Variants in MUC5B observed in about 807,000 individuals in gnomAD.
MUC5B encodes mucin-5B.
A neutral mutation model predicts 376.9 loss-of-function variants in MUC5B; 116 were observed. The ratio of observed to expected loss-of-function variants is 0.31; its 90% CI spans 0.26 to 0.36. MUC5B has a LOEUF of 0.36. Among genes scored for constraint, MUC5B ranks in the 10% least tolerant of loss-of-function variants. MUC5B has a pLI of 1.00. For missense variants in MUC5B, 7,165 were observed against 7,769.9 expected (o/e 0.92, Z 2.93); for synonymous variants, 3,517 against 3,390.9 (o/e 1.04, Z -1.29).
chr11:1,228,727 G>A lies in MUC5B; in HGVS notation c.938G>A (p.Gly313Glu), dbSNP rs1310079237. 3 of 1,523,904 alleles carry A rather than the reference G, an allele frequency of 2.0e-6. No homozygotes were observed. Among genetic ancestry groups the A allele is most frequent in the South Asian group, 2.4e-5 (2 of 83,420 alleles). 94.4% of individuals were successfully genotyped at this position (1,523,904 alleles called of 1,614,324 possible). A position where few individuals can be genotyped will look rare whatever the true frequency, so the allele number is the denominator to read the frequency against. Residue 313 changes from glycine (G) to glutamate (E), a missense_variant, in exon 8 of 49, where the codon GGG becomes GAG. This residue lies in a region of MUC5B where 640 missense variants were observed against 733.0 expected (regional missense o/e 0.87). Transcript: ENST00000529681. Reference sequence around the variant, plus strand: ...TACTCACGCCAGTGCGCCCACGCGGGGGGCCAGCCGCGGAACTGGAGGTGC... The same window carrying A: ...TACTCACGCCAGTGCGCCCACGCGGAGGGCCAGCCGCGGAACTGGAGGTGC... ...VEYSRQCAHA[G>E]GQPRNWRCPE...
At chr11:1,229,120 G>A (rs543701287) in intron 8 of MUC5B, 50 bp from the exon 9 acceptor site, 31 of 1,494,688 alleles carry the variant, frequency 2.1e-5, no homozygotes, top group South Asian at 5.2e-5. Context: ...CTGACCACAC[G>A]GGCAGTACAG....
At chr11:1,239,405 G>A (rs751635259) in intron 26 of MUC5B, 33 bp from the exon 27 acceptor site, 8 of 1,585,578 alleles carry the variant, frequency 5.0e-6, no homozygotes, top group African/African-American at 1.3e-5. Context: ...GGGCTGGTGG[G>A]CGCCTCCTTA....
chr11:1,239,612 C>T, intron 27 of MUC5B, 46 bp downstream of exon 27: 2 of 1,534,458 alleles, frequency 1.3e-6, no homozygotes, highest in Non-Finnish European at 1.8e-6. Context: ...CCTTGGGTTC[C>T]CGAGTGTACG....
chr11:1,243,318 C>A lies in MUC5B; in HGVS notation c.6438C>A (p.Thr2146=), dbSNP rs772274134. 3.9e-6 allele frequency: 6 copies of A among 1,557,382 alleles called. No homozygotes were observed. The South Asian group carries it at 7.0e-5, about 18-fold the overall frequency. The change falls in exon 31 of 49, where the codon ACC becomes ACA. Residue 2146 remains threonine, a synonymous_variant. Coordinates refer to ENST00000529681, the MANE Select transcript of MUC5B (RefSeq NM_002458.3). ...TATTITATGS[T]TNPSSTPGTT... ...CTACGATCACGGCCACCGGCTCCAC[C>A]ACCAACCCCTCCTCAACTCCTGGGA...
rs201362727 is a variant in MUC5B at position 1,246,320 on chromosome 11, C to G, written c.9440C>G (p.Ala3147Gly). 1,164 of 1,595,114 alleles carry G rather than the reference C, an allele frequency of 7.3e-4. No homozygotes were observed. The highest frequency in any genetic ancestry group is 2.0e-3 in the Middle Eastern group (12 of 6,002). ...ELTTAATTTA[A>G]TGPTATPSST... ...ACCACAGCAGCCACTACAACTGCAG[C>G]CACTGGCCCCACGGCCACCCCGTCC... is the stretch of plus-strand genomic sequence containing the variant. Residue 3147 changes from alanine (A) to glycine (G), a missense_variant, in exon 31 of 49, where the codon GCC becomes GGC. Transcript: ENST00000529681.
intron 3 of MUC5B, 149 bp downstream of exon 3, chr11:1,226,425 CA>C: frequency 7.7e-7 from 1 of 1,290,440 alleles, no homozygotes; most frequent in Non-Finnish European, 1.1e-6. Flanking sequence ...GGTCACTGGC[CA>C]CCCTGGGGGA....
intron 10 of MUC5B, 73 bp from the exon 11 acceptor site, chr11:1,229,932 T>A (rs991619254): frequency 6.8e-5 from 105 of 1,552,926 alleles, no homozygotes; most frequent in Non-Finnish European, 9.0e-5. Flanking sequence ...AGCCTCCGCC[T>A]GCGGTGGGGG....
Position 1,234,331 on chromosome 11 carries a change from T to C in MUC5B, c.2478+26T>C. Reference sequence around the variant, plus strand: ...GTGAGTTCCATGCTTCAGGGAGGGGTGGGCAGGGAAGGGGTCCCAGCTTTC... The same window carrying C: ...GTGAGTTCCATGCTTCAGGGAGGGGCGGGCAGGGAAGGGGTCCCAGCTTTC... On this transcript the variant is annotated intron_variant, in intron 20 of 48. Coordinates refer to ENST00000529681, the MANE Select transcript of MUC5B (RefSeq NM_002458.3). This position sits in a 1 kb window ranked among gnomAD's most constrained non-coding sequence, Gnocchi z 6.3. The C allele has an allele frequency of 1.3e-6, 1 of 745,236 alleles. No individual in the cohort carries two copies. Among genetic ancestry groups the C allele is most frequent in the Non-Finnish European group, 2.3e-6 (1 of 438,550 alleles). 46.2% of individuals were successfully genotyped at this position (745,236 alleles called of 1,614,324 possible).
At position 1,249,717 on chromosome 11, in the gene MUC5B, C is replaced by A. The variant is rs180674978; in HGVS notation, c.12837C>A (p.Pro4279=). 8 of 1,610,610 alleles carry A rather than the reference C, an allele frequency of 5.0e-6. No individual in the cohort carries two copies. The highest frequency in any genetic ancestry group is 6.8e-6 in the Non-Finnish European group (8 of 1,178,094). The change falls in exon 31 of 49, where the codon CCC becomes CCA. Residue 4279 remains proline (P), a synonymous_variant. Coordinates refer to ENST00000529681, the MANE Select transcript of MUC5B (RefSeq NM_002458.3). ...CCACCCCGGGAACAGCTCCCCCTCC[C>A]AAAGTGCTGACCAGCCCGGCCACCA... ...PSSTPGTAPP[P]KVLTSPATTP... is the part of the protein sequence containing the mutation.
Position 1,246,656 on chromosome 11 carries a change from C to G in MUC5B, c.9776C>G (p.Thr3259Arg), listed in dbSNP as rs748826474. The G allele has an allele frequency of 6.2e-7, 1 of 1,612,072 alleles. No homozygotes were observed. The highest frequency in any genetic ancestry group is 8.5e-7 in the Non-Finnish European group (1 of 1,178,790). Residue 3259 changes from threonine (T) to arginine (R), a missense_variant, in exon 31 of 49, where the codon ACG becomes AGG. This residue lies in a region of MUC5B where 939 missense variants were observed against 770.6 expected (regional missense o/e 1.22). Coordinates refer to ENST00000529681, the MANE Select transcript of MUC5B (RefSeq NM_002458.3). Reference sequence around the variant, plus strand: ...CGCCTATCACAGACCACCACACCCACGGCCACCATGTCCACAGCCACACCC... The same window carrying G: ...CGCCTATCACAGACCACCACACCCAGGGCCACCATGTCCACAGCCACACCC... ...WTRLSQTTTPTATMSTATPSS... is the reference protein window; with the variant it reads ...WTRLSQTTTPRATMSTATPSS...
In MUC5B at chr11:1,257,618, C is replaced by T. The variant is rs767335099; in HGVS notation, c.16358C>T (p.Ala5453Val). 33 of 1,603,258 alleles carry T rather than the reference C, an allele frequency of 2.1e-5. 1 individual carries two copies. In the Admixed American group the frequency reaches 2.5e-4, roughly 12 times the overall value. ...CAGTGCAAGCCCCTGCCCTGTGACG[C>T]CCAGGGTCAGCCCCCGCCGTGCAAC... is the stretch of plus-strand genomic sequence containing the variant. ...SVQCKPLPCD[A>V]QGQPPPCNRP... Residue 5453 changes from alanine (A) to valine (V), a missense_variant, in exon 41 of 49, where the codon GCC becomes GTC. Physicochemically the swap from Ala to Val is moderately conservative, Grantham distance 64. This residue lies in a region of MUC5B where 842 missense variants were observed against 1,016.9 expected (regional missense o/e 0.83). Coordinates refer to ENST00000529681, the MANE Select transcript of MUC5B (RefSeq NM_002458.3). The surrounding 1 kb of genome is among the most constrained non-coding windows in gnomAD (Gnocchi z 8.9).
Position 1,231,540 on chromosome 11 carries a change from C to T in MUC5B, c.1658C>T (p.Ala553Val), listed in dbSNP as rs762393906. Residue 553 changes from alanine (A) to valine (V), a missense_variant, in exon 14 of 49, where the codon GCC becomes GTC. Coordinates refer to ENST00000529681, the MANE Select transcript of MUC5B (RefSeq NM_002458.3). ...LMQVFVRLDP[A>V]HQGQMCGLCG... ...CAGGTGTTTGTCAGGCTGGACCCCG[C>T]CCACCAGGGCCAGATGTGCGGTGAG... 1.3e-6 allele frequency: 2 copies of T among 1,582,878 alleles called. No homozygotes were observed. Among genetic ancestry groups the T allele is most frequent in the Non-Finnish European group, 1.7e-6 (2 of 1,166,522 alleles).
Position 1,257,320 on chromosome 11 carries a change from A to C in MUC5B, c.16269+49A>C. ...CCCTACCCCACCCTCTCGCGAGCTG[A>C]GGGAGGGAGGGAAGGAGCATCCCCA... On this transcript the variant is annotated intron_variant, in intron 40 of 48. Coordinates refer to ENST00000529681, the MANE Select transcript of MUC5B (RefSeq NM_002458.3). This position sits in a 1 kb window ranked among gnomAD's most constrained non-coding sequence, Gnocchi z 8.9. 1 of 790,700 alleles carries C rather than the reference A, an allele frequency of 1.3e-6. No individual in the cohort carries two copies. The highest frequency in any genetic ancestry group is 1.3e-5 in the South Asian group (1 of 74,394). The allele number at this position is 790,700 out of a possible 1,614,324, so 49.0% of individuals were successfully genotyped here.
Position 1,249,367 on chromosome 11 carries a change from G to A in MUC5B, c.12487G>A (p.Gly4163Arg). ...DTYSNIRAAGGAVCEQPLGLE... is the reference protein window; with the variant it reads ...DTYSNIRAAGRAVCEQPLGLE... The stretch of plus-strand genomic sequence containing the variant: ...CTACTCCAACATCCGTGCGGCCGGA[G>A]GGGCCGTCTGTGAGCAGCCCCTGGG... The change falls in exon 31 of 49, where the codon GGG becomes AGG. Residue 4163 changes from glycine (G) to arginine (R), a missense_variant. This residue lies in a region of MUC5B where 47 missense variants were observed against 88.4 expected (regional missense o/e 0.53). Coordinates refer to ENST00000529681, the MANE Select transcript of MUC5B (RefSeq NM_002458.3). The A allele has an allele frequency of 1.9e-6, 3 of 1,610,980 alleles. No individual in the cohort carries two copies. The highest frequency in any genetic ancestry group is 1.3e-5 in the African/African-American group (1 of 74,928).
At position 1,250,190 on chromosome 11, in the gene MUC5B, C is replaced by A. The variant is rs757438253; in HGVS notation, c.13310C>A (p.Thr4437Lys). The stretch of plus-strand genomic sequence containing the variant: ...ACTACGACTGCGTCCACTGGATCCA[C>A]GGCCACCCCGTCCTCCACCCCAGGG... ...TATTTASTGS[T>K]ATPSSTPGTT... Residue 4437 changes from threonine to lysine, a missense_variant, in exon 31 of 49, where the codon ACG (threonine) becomes AAG (lysine). This residue lies in a region of MUC5B where 431 missense variants were observed against 390.4 expected (regional missense o/e 1.10). Transcript: ENST00000529681. 1 of 1,609,484 alleles carries A rather than the reference C, an allele frequency of 6.2e-7. No individual in the cohort carries two copies. The highest frequency in any genetic ancestry group is 8.5e-7 in the Non-Finnish European group (1 of 1,176,950).
chr11:1,251,650 T>A lies in MUC5B; in HGVS notation c.14770T>A (p.Ser4924Thr). 6.2e-7 allele frequency: 1 copy of A among 1,613,110 alleles called. No homozygotes were observed. Among genetic ancestry groups the A allele is most frequent in the Non-Finnish European group, 8.5e-7 (1 of 1,179,812 alleles). The change falls in exon 31 of 49, where the codon TCA becomes ACA. Residue 4924 changes from serine (S) to threonine (T), a missense_variant. By Grantham distance (58) the Ser-to-Thr change is moderately conservative (BLOSUM62 1). Transcript: ENST00000529681. ...CTTCAGCGTGTCCACTGTGTCCTCC[T>A]CAGTCCTCACCACCCTGAGACCCAC... ...PTFSVSTVSS[S>T]VLTTLRPTGF...
intron 13 of MUC5B, among the ~76,000 whole-genome samples, 158 bp from the exon 14 acceptor site, chr11:1,231,265 A>G (rs1862021482): frequency 6.6e-6 from 1 of 152,076 alleles, no homozygotes; most frequent in Admixed American, 6.5e-5. Flanking sequence ...CTTGGCGGCC[A>G]CAGGCATGGG....
Position 1,251,152 on chromosome 11 carries a change from C to T in MUC5B, c.14272C>T (p.Leu4758=), listed in dbSNP as rs373023004. Residue 4758 remains leucine, a synonymous_variant, in exon 31 of 49, where the codon CTG becomes TTG. Transcript: ENST00000529681. ...CTTTACACCCATCCCCTCCTCCACC[C>T]TGTGGACCACGTGGACCGTCCCAGC... ...TSFTPIPSST[L]WTTWTVPAQT... The T allele has an allele frequency of 1.1e-4, 180 of 1,611,194 alleles. 6 individuals are homozygous for T. The highest frequency in any genetic ancestry group is 1.4e-4 in the Non-Finnish European group (161 of 1,178,282).
Position 1,249,185 on chromosome 11 carries a change from C to A in MUC5B, c.12305C>A (p.Pro4102His). The A allele has an allele frequency of 6.2e-7, 1 of 1,611,546 alleles. No homozygotes were observed. The highest frequency in any genetic ancestry group is 1.1e-5 in the South Asian group (1 of 90,976). ...ATSRTTATATPSKTRTSTLLP... is the reference protein window; with the variant it reads ...ATSRTTATATHSKTRTSTLLP... Reference sequence around the variant, plus strand: ...TCCAGGACCACGGCCACGGCCACACCCAGCAAGACCCGCACCTCGACCCTG... The same window carrying A: ...TCCAGGACCACGGCCACGGCCACACACAGCAAGACCCGCACCTCGACCCTG... The change falls in exon 31 of 49, where the codon CCC (proline) becomes CAC (histidine). Residue 4102 changes from proline to histidine, a missense_variant. Around this residue, in one of 31 missense-constraint regions of MUC5B, gnomAD observed 85 missense variants for 78.2 expected, o/e 1.09. Coordinates refer to ENST00000529681, the MANE Select transcript of MUC5B (RefSeq NM_002458.3).
Sources: allele counts gnomAD v4.1 joint callset (sites outside exome capture counted in the v4.1 genomes callset), GRCh38; gene constraint gnomAD v4.1.1; regional missense constraint gnomAD v4.1.1; non-coding constraint Gnocchi (gnomAD v3.1); transcripts MANE v1.5; gene names NCBI Gene and HGNC (gene_info 2026-07-23, HGNC 2026-07-21).